The following SMOC1 variants were observed in gnomAD, a reference collection of about 807,000 sequenced individuals.
The protein encoded by SMOC1 is SPARC-related modular calcium-binding protein 1.
A neutral mutation model predicts 56.3 loss-of-function variants in SMOC1; 22 were observed. That is an observed-to-expected ratio of 0.39 (90% CI 0.28 to 0.56). SMOC1 has a LOEUF of 0.56. Among genes scored for constraint, SMOC1 ranks in the 20% least tolerant of loss-of-function variants. SMOC1 has a pLI of 0.61. For missense variants in SMOC1, 509 were observed against 565.4 expected (o/e 0.90, Z 1.01); for synonymous variants, 193 against 215.0 (o/e 0.90, Z 0.89).
chr14:69,947,628 C>A (rs986259434), intron 1 of SMOC1, among the ~76,000 whole-genome samples: 1 of 152,066 alleles, frequency 6.6e-6, no homozygotes, highest in African/African-American at 2.4e-5. Flanking sequence ...GAGAAAAATT[C>A]GATTGAAGAC....
At chr14:69,948,812 C>T (rs539590928) in intron 1 of SMOC1, among the ~76,000 whole-genome samples, 1 of 152,296 alleles carries the variant, frequency 6.6e-6, no homozygotes, top group East Asian at 1.9e-4. Context: ...AGGCTTGTTA[C>T]TACTCTCATT....
intron 3 of SMOC1, among the ~76,000 whole-genome samples, chr14:69,965,979 G>T (rs1371653830): frequency 6.6e-6 from 1 of 152,084 alleles, no homozygotes; most frequent in African/African-American, 2.4e-5. Flanking sequence ...AAATAGGGAA[G>T]AATAATAGGA....
intron 3 of SMOC1, among the ~76,000 whole-genome samples, chr14:69,958,654 A>G: frequency 6.6e-6 from 1 of 152,332 alleles, no homozygotes; most frequent in East Asian, 1.9e-4. Flanking sequence ...AAAGTCTTCA[A>G]TCGTGTCCAC....
intron 10 of SMOC1, among the ~76,000 whole-genome samples, chr14:70,018,756 C>T (rs1885607936): frequency 6.6e-6 from 1 of 152,240 alleles, no homozygotes. Context: ...GCCTCTTGGC[C>T]CTTCACGTGG....
intron 1 of SMOC1, among the ~76,000 whole-genome samples, chr14:69,934,920 C>A (rs111320144): frequency 4.1e-4 from 62 of 152,282 alleles, no homozygotes; most frequent in African/African-American, 1.4e-3. Flanking sequence ...AAGATTACCT[C>A]TTGGGTGGTT....
intron 3 of SMOC1, among the ~76,000 whole-genome samples, chr14:69,959,218 TA>T (rs1249739402): frequency 7.2e-5 from 11 of 152,350 alleles, no homozygotes; most frequent in African/African-American, 2.6e-4. Context: ...CTGTCTCATT[TA>T]AAAAATGTCT....
chr14:69,957,650 AT>A (rs1261466829), intron 3 of SMOC1, among the ~76,000 whole-genome samples: 2 of 152,212 alleles, frequency 1.3e-5, no homozygotes, highest in African/African-American at 4.8e-5. Context: ...CAATCTTTAG[AT>A]TATGGAAATT....
At chr14:69,897,717 C>T (rs577779141) in intron 1 of SMOC1, among the ~76,000 whole-genome samples, 1 of 152,298 alleles carries the variant, frequency 6.6e-6, no homozygotes, top group South Asian at 2.1e-4. Flanking sequence ...TCTCTCCCAT[C>T]TCTTGTATCA....
chr14:69,992,495 G>C (rs1256855453), intron 6 of SMOC1, 22 bp downstream of exon 6: 1 of 1,569,546 alleles, frequency 6.4e-7, no homozygotes, highest in South Asian at 1.1e-5. Flanking sequence ...CATTACTTCT[G>C]ATGTTCATTC....
At chr14:70,002,242 T>G (rs919124995) in intron 7 of SMOC1, among the ~76,000 whole-genome samples, 7 of 152,224 alleles carry the variant, frequency 4.6e-5, no homozygotes, top group Non-Finnish European at 8.8e-5. Context: ...GTTAGATTTT[T>G]GCTTTCTTTT....
chr14:69,957,287 T>C (rs959336771), intron 3 of SMOC1, among the ~76,000 whole-genome samples: 2 of 152,244 alleles, frequency 1.3e-5, no homozygotes, highest in African/African-American at 4.8e-5. Flanking sequence ...CCACTTTTTA[T>C]TGAGTGCTAT....
chr14:69,986,424 G>T (rs564131070), intron 5 of SMOC1, among the ~76,000 whole-genome samples: 1 of 152,078 alleles, frequency 6.6e-6, no homozygotes, highest in Non-Finnish European at 1.5e-5. Flanking sequence ...ATCTGAATAA[G>T]GTCCATGGAT....
intron 3 of SMOC1, 52 bp downstream of exon 3, chr14:69,953,584 G>C (rs529714943): frequency 6.7e-7 from 1 of 1,500,042 alleles, no homozygotes; most frequent in East Asian, 2.3e-5. Context: ...AGGCAGAGGG[G>C]AGGTGTCCCG....
At chr14:70,005,666 A>G (rs1328433131) in intron 7 of SMOC1, among the ~76,000 whole-genome samples, 1 of 152,168 alleles carries the variant, frequency 6.6e-6, no homozygotes, top group Non-Finnish European at 1.5e-5. Flanking sequence ...AGGCAGTCAG[A>G]GGTTTGTCAG....
intron 10 of SMOC1, among the ~76,000 whole-genome samples, chr14:70,017,915 G>T (rs146125150): frequency 6.6e-6 from 1 of 152,306 alleles, no homozygotes; most frequent in Non-Finnish European, 1.5e-5. Context: ...CTTATGAGTG[G>T]GAAAATGCCT....
At chr14:69,945,401 C>G (rs1882743518) in intron 1 of SMOC1, among the ~76,000 whole-genome samples, 1 of 152,076 alleles carries the variant, frequency 6.6e-6, no homozygotes, top group African/African-American at 2.4e-5. Flanking sequence ...GGGATGGGGG[C>G]AGAAGTTTGG....
chr14:69,882,849 G>A (rs575762337), intron 1 of SMOC1, among the ~76,000 whole-genome samples: 1 of 152,302 alleles, frequency 6.6e-6, no homozygotes, highest in South Asian at 2.1e-4. Flanking sequence ...TACTTTGTTG[G>A]TACTGATGGA....
intron 1 of SMOC1, among the ~76,000 whole-genome samples, chr14:69,945,146 A>G (rs1882734527): frequency 6.6e-6 from 1 of 152,216 alleles, no homozygotes. Flanking sequence ...CATATACTGA[A>G]CAAACTTTTT....
At position 70,013,487 on chromosome 14, in the gene SMOC1, G is replaced by A. The variant is rs1885407013; in HGVS notation, c.1042G>A (p.Gly348Arg). Residue 348 changes from glycine to arginine, a missense_variant, in exon 10 of 12, where the codon GGG (glycine) becomes AGG (arginine). By Grantham distance (125) the Gly-to-Arg change is moderately radical. Around this residue, in one of 3 missense-constraint regions of SMOC1, gnomAD observed 176 missense variants for 188.1 expected, o/e 0.94. Coordinates refer to ENST00000361956, the MANE Select transcript of SMOC1 (RefSeq NM_001034852.3). ...TAACTCAGCAGCGCCCACTGGAGGT[G>A]GGAGGTGAGATTGTGAGCAGGAATC... ...AINSAAPTGG[G>R]RFSEPDPSHT... 1 of 1,614,034 alleles carries A rather than the reference G, an allele frequency of 6.2e-7. No individual in the cohort carries two copies. Among genetic ancestry groups the A allele is most frequent in the South Asian group, 1.1e-5 (1 of 91,084 alleles).
Sources: gnomAD v4.1 joint callset for allele counts (sites outside exome capture counted in the v4.1 genomes callset) on GRCh38, gnomAD v4.1.1 for gene constraint, gnomAD v4.1.1 regional missense constraint, MANE v1.5 for transcripts, NCBI Gene and HGNC (gene_info 2026-07-23, HGNC 2026-07-21) for gene names.